Variants in PAGE2B observed in about 807,000 individuals in gnomAD.
PAGE2B encodes PAGE family member 2B.
PAGE2B carries 5 observed loss-of-function variants against 7.6 expected under a neutral mutation model. The observed-to-expected ratio is 0.66, with a 90% CI of 0.34 to 1.38. The LOEUF is 1.38. PAGE2B is among the 40% of genes most tolerant of loss of function. The probability of loss-of-function intolerance (pLI) is 0.04; values close to 1 mark genes in which losing one functional copy is unlikely to be tolerated. For synonymous variants in PAGE2B, 29 were observed against 26.7 expected (o/e 1.09, Z -0.27); for missense variants, 70 against 78.4 (o/e 0.89, Z 0.41).
the PAGE2B span, among the ~76,000 whole-genome samples, chrX:55,052,884 G>A: frequency 4.4e-5 from 5 of 112,705 alleles, no homozygotes; most frequent in Admixed American, 9.3e-5. Flanking sequence ...CTTCTGCGTC[G>A]CTCATGCTGG....
upstream of PAGE2B, among the ~76,000 whole-genome samples, chrX:55,071,982 C>T (rs1284086276): frequency 8.9e-6 from 1 of 111,875 alleles, no homozygotes; most frequent in Non-Finnish European, 1.9e-5. Context: ...TCTTAGCTTC[C>T]TTGCATTGGG....
the PAGE2B span, among the ~76,000 whole-genome samples, chrX:55,045,832 A>C: frequency 8.9e-6 from 1 of 112,022 alleles, no homozygotes; most frequent in African/African-American, 3.2e-5. Context: ...ACAGAAAAAC[A>C]CTACATGTTC....
chrX:55,062,125 G>C, the PAGE2B span, among the ~76,000 whole-genome samples: 2 of 111,532 alleles, frequency 1.8e-5, no homozygotes, highest in Non-Finnish European at 3.8e-5. Flanking sequence ...GAATAGGATT[G>C]TTGGATCGTA....
Position 55,077,446 on chromosome X carries a change from G to C in PAGE2B, c.241G>C (p.Glu81Gln), listed in dbSNP as rs1936534622. The change falls in exon 4 of 5, where the codon GAG becomes CAG. Residue 81 changes from glutamate to glutamine, a missense_variant. Physicochemically the swap from Glu to Gln is conservative, Grantham distance 29 (BLOSUM62 2). Transcript: ENST00000374971. ...ACAGGAACTGGCTCTGCTTAAGATA[G>C]AGGATGAGCCTGGAGATGGTCCTGA... ...FQQELALLKI[E>Q]DEPGDGPDVR... The C allele has an allele frequency of 1.7e-6, 2 of 1,211,959 alleles. No homozygotes were observed. The highest frequency in any genetic ancestry group is 2.2e-6 in the Non-Finnish European group (2 of 895,491).
intron 2 of PAGE2B, among the ~76,000 whole-genome samples, 199 bp from the exon 3 acceptor site, chrX:55,076,370 A>ATATG (rs759691610): frequency 2.9e-4 from 31 of 106,213 alleles, no homozygotes; most frequent in Admixed American, 1.2e-3. Flanking sequence ...ATATATGTAT[A>ATATG]TATGTATGTA....
At chrX:55,064,139 T>C in the PAGE2B span, among the ~76,000 whole-genome samples, 1 of 111,489 alleles carries the variant, frequency 9.0e-6, no homozygotes, top group Non-Finnish European at 1.9e-5. Flanking sequence ...TTAGTGTTAG[T>C]TCTTCTTTAA....
chrX:55,047,077 C>A, the PAGE2B span, among the ~76,000 whole-genome samples: 2 of 110,163 alleles, frequency 1.8e-5, no homozygotes, highest in African/African-American at 3.3e-5. Flanking sequence ...ACACCTCCCC[C>A]CTCCCCCCAT....
At chrX:55,068,225 T>C in the PAGE2B span, among the ~76,000 whole-genome samples, 1,030 of 112,101 alleles carry the variant, frequency 9.2e-3, 12 homozygotes, top group African/African-American at 0.032. Context: ...TCTTGAGTTG[T>C]ATAAGATGTA....
the PAGE2B span, among the ~76,000 whole-genome samples, chrX:55,065,048 A>C: frequency 8.9e-6 from 1 of 111,958 alleles, no homozygotes; most frequent in Non-Finnish European, 1.9e-5. Flanking sequence ...ATGTTCTGTA[A>C]ATATCTGTTA....
At chrX:55,068,103 T>C in the PAGE2B span, among the ~76,000 whole-genome samples, 2 of 112,509 alleles carry the variant, frequency 1.8e-5, no homozygotes, top group Non-Finnish European at 3.8e-5. Context: ...GCCATTGCTT[T>C]TGATGTTTTA....
At chrX:55,043,833 G>C in the PAGE2B span, among the ~76,000 whole-genome samples, 1 of 109,815 alleles carries the variant, frequency 9.1e-6, no homozygotes, top group Non-Finnish European at 1.9e-5. Flanking sequence ...GAGTGTGGTG[G>C]TGTATGCCTG....
chrX:55,065,175 T>G, the PAGE2B span, among the ~76,000 whole-genome samples: 6 of 111,693 alleles, frequency 5.4e-5, no homozygotes, highest in Non-Finnish European at 1.1e-4. Context: ...TATTGTATTG[T>G]GGTCTATCTC....
the PAGE2B span, among the ~76,000 whole-genome samples, chrX:55,029,535 T>TG: frequency 9.0e-6 from 1 of 111,583 alleles, no homozygotes. Flanking sequence ...TATTACTACC[T>TG]TTTTTTCTTG....
the PAGE2B span, among the ~76,000 whole-genome samples, chrX:55,062,016 C>T: frequency 2.7e-5 from 3 of 111,661 alleles, no homozygotes; most frequent in African/African-American, 3.3e-5. Context: ...ACTTAGGTTG[C>T]TTCCAAATCT....
chrX:55,070,162 T>C (rs1936436198), upstream of PAGE2B, among the ~76,000 whole-genome samples: 1 of 112,028 alleles, frequency 8.9e-6, no homozygotes, highest in Admixed American at 9.5e-5. Flanking sequence ...CTGCTTTCTC[T>C]TGTGGGCAAT....
At chrX:55,050,815 G>A in the PAGE2B span, among the ~76,000 whole-genome samples, 1 of 111,329 alleles carries the variant, frequency 9.0e-6, no homozygotes, top group African/African-American at 3.3e-5. Context: ...TACGTTTAAG[G>A]TTAGTATTGT....
the PAGE2B span, among the ~76,000 whole-genome samples, chrX:55,051,160 G>C: frequency 6.3e-5 from 7 of 111,978 alleles, no homozygotes; most frequent in African/African-American, 1.9e-4. Flanking sequence ...GGCTTGTAGA[G>C]TTTCTGCTGA....
the PAGE2B span, among the ~76,000 whole-genome samples, chrX:55,064,772 T>C: frequency 9.0e-6 from 1 of 111,698 alleles, no homozygotes; most frequent in East Asian, 2.8e-4. Flanking sequence ...TTTCAAGACA[T>C]TTATCAATTT....
the PAGE2B span, among the ~76,000 whole-genome samples, chrX:55,038,938 A>C: frequency 9.0e-6 from 1 of 111,631 alleles, no homozygotes; most frequent in Non-Finnish European, 1.9e-5. Context: ...GTATACAGGC[A>C]GACCAGGTGT....
Sources: allele counts gnomAD v4.1 joint callset (sites outside exome capture counted in the v4.1 genomes callset), GRCh38; gene constraint gnomAD v4.1.1; transcripts MANE v1.5; gene names NCBI Gene and HGNC (gene_info 2026-07-23, HGNC 2026-07-21).